Variants in TBC1D32 observed in about 807,000 individuals in gnomAD.
TBC1D32 encodes the protein protein broad-minded.
A neutral mutation model predicts 170.3 loss-of-function variants in TBC1D32; 151 were observed. The observed-to-expected ratio is 0.89, with a 90% CI of 0.78 to 1.01. The LOEUF (loss-of-function observed/expected upper bound fraction) is 1.01. TBC1D32 is among the 50% of genes least tolerant of loss of function. The pLI is 0.00. For synonymous variants in TBC1D32, 498 were observed against 488.0 expected (o/e 1.02, Z -0.27); for missense variants, 1,464 against 1,457.1 (o/e 1.00, Z -0.08).
chr6:121,308,138 T>A, intron 4 of TBC1D32, 37 bp from the exon 5 acceptor site: 1 of 1,593,754 alleles, frequency 6.3e-7, no homozygotes, highest in African/African-American at 1.4e-5. Flanking sequence ...TAACACTCAG[T>A]CACTAAAATA....
At chr6:121,104,264 A>C (rs1778458131) in intron 30 of TBC1D32, among the ~76,000 whole-genome samples, 1 of 151,772 alleles carries the variant, frequency 6.6e-6, no homozygotes, top group Non-Finnish European at 1.5e-5. Context: ...TCACATAAAA[A>C]TATCAAAGAA....
chr6:121,256,846 T>G (rs1448160735), intron 15 of TBC1D32, among the ~76,000 whole-genome samples: 1 of 151,910 alleles, frequency 6.6e-6, no homozygotes, highest in East Asian at 1.9e-4. Context: ...ATTTTTGTAC[T>G]TTTTTAGTAG....
In TBC1D32 at chr6:121,304,739, G is replaced by C; in HGVS notation, c.769+16C>G. The stretch of plus-strand genomic sequence containing the variant: ...CAAATGACAAAAAACATTTTTAAAT[G>C]TTTTCACAAACATACCTAAGCTTGT... On this transcript the variant is annotated intron_variant, in intron 6 of 31. Coordinates refer to ENST00000398212, the MANE Select transcript of TBC1D32 (RefSeq NM_152730.6). 6.3e-7 allele frequency: 1 copy of C among 1,578,994 alleles called. No individual in the cohort carries two copies.
At chr6:121,324,212 GAAAT>G (rs1194879613) in intron 1 of TBC1D32, among the ~76,000 whole-genome samples, 2 of 152,004 alleles carry the variant, frequency 1.3e-5, no homozygotes, top group South Asian at 2.1e-4. Flanking sequence ...AGTGAAAAGG[GAAAT>G]AAATAAATGT....
chr6:121,128,644 T>C (rs559747618), intron 25 of TBC1D32, among the ~76,000 whole-genome samples: 1 of 152,266 alleles, frequency 6.6e-6, no homozygotes, highest in South Asian at 2.1e-4. Flanking sequence ...ATCACATCTA[T>C]TTCCTGGGGT....
chr6:121,102,377 G>GTACCAAAACAGCATGGTACTGC (rs1778212681), intron 30 of TBC1D32, among the ~76,000 whole-genome samples: 1 of 152,080 alleles, frequency 6.6e-6, no homozygotes, highest in Admixed American at 6.6e-5. Context: ...CATGGTACTG[G>GTACCAAAACAGCATGGTACTGC]TACCAAAACA....
At chr6:121,253,356 T>C (rs976244631) in intron 17 of TBC1D32, among the ~76,000 whole-genome samples, 3 of 151,634 alleles carry the variant, frequency 2.0e-5, no homozygotes, top group African/African-American at 7.3e-5. Context: ...AAAAAAAATG[T>C]TCAACATCAC....
At chr6:121,302,541 TA>T (rs957639825) in intron 9 of TBC1D32, among the ~76,000 whole-genome samples, 7 of 151,612 alleles carry the variant, frequency 4.6e-5, no homozygotes, top group African/African-American at 1.5e-4. Context: ...CTGATTTTGT[TA>T]AAAAAAAGAT....
chr6:121,332,135 C>A (rs1811300639), intron 1 of TBC1D32, among the ~76,000 whole-genome samples: 1 of 151,882 alleles, frequency 6.6e-6, no homozygotes, highest in African/African-American at 2.4e-5. Context: ...CGGAGAGGAA[C>A]TACAATGACC....
chr6:121,091,033 C>A lies in TBC1D32; in HGVS notation c.3474G>T (p.Leu1158=). 1 of 1,568,082 alleles carries A rather than the reference C, an allele frequency of 6.4e-7. No individual in the cohort carries two copies. Among genetic ancestry groups the A allele is most frequent in the Non-Finnish European group, 8.5e-7 (1 of 1,169,594 alleles). ...MSGFAPSQIC[L]QWITQCFWNY... Reference sequence around the variant, plus strand: ...TCCAAAAACACTGGGTTATCCATTGCAGGCAAATCTTTAAAAAAAAAAAGT... The same window carrying A: ...TCCAAAAACACTGGGTTATCCATTGAAGGCAAATCTTTAAAAAAAAAAAGT... The change falls in exon 31 of 32, where the codon CTG becomes CTT. Residue 1158 remains leucine, a synonymous_variant. Transcript: ENST00000398212.
chr6:121,090,310 T>A (rs1249583493), intron 31 of TBC1D32, among the ~76,000 whole-genome samples: 1 of 152,224 alleles, frequency 6.6e-6, no homozygotes, highest in Non-Finnish European at 1.5e-5. Flanking sequence ...TTATATCTCA[T>A]GTACTTTCTA....
chr6:121,106,630 C>A (rs1778715061), intron 29 of TBC1D32, among the ~76,000 whole-genome samples: 1 of 151,898 alleles, frequency 6.6e-6, no homozygotes, highest in Non-Finnish European at 1.5e-5. Context: ...GCATTGTACC[C>A]TTTACTATGT....
chr6:121,256,641 G>A (rs1799058308), intron 15 of TBC1D32, among the ~76,000 whole-genome samples: 1 of 151,596 alleles, frequency 6.6e-6, no homozygotes, highest in African/African-American at 2.4e-5. Flanking sequence ...CCATTAACAG[G>A]ACTTAGTTCC....
intron 22 of TBC1D32, among the ~76,000 whole-genome samples, chr6:121,204,259 C>G (rs1791948937): frequency 6.6e-6 from 1 of 151,074 alleles, no homozygotes; most frequent in South Asian, 2.1e-4. Flanking sequence ...CTTCTTTGTA[C>G]TATAAAGTCC....
At position 121,127,907 on chromosome 6, in the gene TBC1D32, A is replaced by G. The variant is rs570359017; in HGVS notation, c.2900-1446T>C. On this transcript the variant is annotated intron_variant, in intron 25 of 31. Transcript: ENST00000398212. ...TAAGTAAAGTGCTTGAGTTAATGGG[A>G]AAAGACAAAGCATATTGCTAAGCAA... 2.6e-5 allele frequency among the ~76,000 whole-genome samples: 4 copies of G among 152,300 alleles called. No homozygotes were observed. The South Asian group carries it at 6.2e-4, about 24-fold the overall frequency.
At chr6:121,182,596 A>C (rs1339833975) in intron 22 of TBC1D32, among the ~76,000 whole-genome samples, 1 of 152,108 alleles carries the variant, frequency 6.6e-6, no homozygotes, top group Non-Finnish European at 1.5e-5. Flanking sequence ...AGGAAACAGC[A>C]CTTGAGTAAC....
rs141455394 is a variant in TBC1D32, at chr6:121,327,750, C to T, written c.156-5956G>A. Among the ~76,000 whole-genome samples the T allele has an allele frequency of 2.3e-3, 346 of 152,138 alleles. 1 individual carries two copies. Among genetic ancestry groups the T allele is most frequent in the African/African-American group, 8.0e-3 (334 of 41,498 alleles). On this transcript the variant is annotated intron_variant, in intron 1 of 31. Transcript: ENST00000398212. ...AACCTTTTAACATTTTAAGGAAAGC[C>T]AGAAAACTGATTTTTATACATTATC...
intron 30 of TBC1D32, among the ~76,000 whole-genome samples, chr6:121,091,728 T>A (rs1160056704): frequency 1.3e-5 from 2 of 152,108 alleles, no homozygotes; most frequent in African/African-American, 4.8e-5. Context: ...TTTTGATACA[T>A]CAATGTTATG....
intron 31 of TBC1D32, among the ~76,000 whole-genome samples, chr6:121,090,149 GT>G (rs1025092853): frequency 2.4e-4 from 36 of 152,090 alleles, no homozygotes; most frequent in African/African-American, 7.2e-4. Context: ...AGCCAGGATG[GT>G]CTCGATCTCC....
Sources: allele counts gnomAD v4.1 joint callset (sites outside exome capture counted in the v4.1 genomes callset), GRCh38; gene constraint gnomAD v4.1.1; transcripts MANE v1.5; gene names NCBI Gene and HGNC (gene_info 2026-07-23, HGNC 2026-07-21).